Variants in QSOX1 observed in about 807,000 individuals in gnomAD.
The protein encoded by QSOX1 is sulfhydryl oxidase 1.
A neutral mutation model predicts 76.1 loss-of-function variants in QSOX1; 40 were observed. The ratio of observed to expected loss-of-function variants is 0.53; its 90% confidence interval spans 0.41 to 0.68. The LOEUF (loss-of-function observed/expected upper bound fraction) is 0.68. Among genes scored for constraint, QSOX1 ranks in the 30% least tolerant of loss-of-function variants. The pLI is 0.00. For synonymous variants in QSOX1, 392 were observed against 413.1 expected (o/e 0.95, Z 0.62); for missense variants, 931 against 974.3 (o/e 0.96, Z 0.59).
At chr1:180,165,317 T>G (rs189256995) in intron 1 of QSOX1, among the ~76,000 whole-genome samples, 28 of 152,342 alleles carry the variant, frequency 1.8e-4, no homozygotes, top group African/African-American at 6.5e-4. Context: ...GGCCTCCTCC[T>G]CCTCTCATCT....
Position 180,203,493 on chromosome 1 carries a change from T to C in QSOX1, c.*6456T>C, listed in dbSNP as rs1663676030. 6.6e-6 allele frequency: 1 copy of C among 152,204 alleles called. No individual in the cohort carries two copies. The highest frequency in any genetic ancestry group is 2.1e-4 in the South Asian group (1 of 4,826). The allele number at this position is 152,204 out of a possible 1,614,324, so 9.4% of individuals were successfully genotyped here. The stretch of plus-strand genomic sequence containing the variant: ...GAGTGTCTCAGTAGCCTCGCCCTAG[T>C]CCTGGCTTTCACTTAAATATGTTTT... On this transcript the variant is annotated 3_prime_UTR_variant, in exon 12 of 12. Coordinates refer to ENST00000367602, the MANE Select transcript of QSOX1 (RefSeq NM_002826.5).
At chr1:180,159,466 C>A (rs977581426) in intron 1 of QSOX1, among the ~76,000 whole-genome samples, 2 of 152,170 alleles carry the variant, frequency 1.3e-5, no homozygotes, top group South Asian at 2.1e-4. Flanking sequence ...ACACCACATT[C>A]AAAAATCTTA....
intron 4 of QSOX1, 117 bp from the exon 5 acceptor site, chr1:180,178,677 G>A (rs895849174): frequency 3.5e-6 from 3 of 857,488 alleles, no homozygotes; most frequent in Middle Eastern, 2.7e-4. Flanking sequence ...GTGTGGAAGC[G>A]GAGGAGGGCG....
In QSOX1 at chr1:180,155,182, G is replaced by A. The variant is rs769570961; in HGVS notation, c.265+10G>A. On this transcript the variant is annotated intron_variant, in intron 1 of 11. Transcript: ENST00000367602. ...GCCGAAGACGTCAAAGGTGAGAAGC[G>A]GGGGCGGCCCGCTCCCCCGTGCCCC... The A allele has an allele frequency of 2.7e-6, 4 of 1,483,992 alleles. No individual in the cohort carries two copies. The highest frequency in any genetic ancestry group is 2.3e-5 in the Admixed American group (1 of 44,366). 91.9% of individuals were successfully genotyped at this position (1,483,992 alleles called of 1,614,324 possible).
chr1:180,167,836 T>A (rs1662668112), intron 2 of QSOX1, among the ~76,000 whole-genome samples: 1 of 152,212 alleles, frequency 6.6e-6, no homozygotes, highest in African/African-American at 2.4e-5. Flanking sequence ...GACATGGTGC[T>A]ATCTTTGGCC....
intron 1 of QSOX1, among the ~76,000 whole-genome samples, chr1:180,161,399 G>C (rs561867436): frequency 4.3e-4 from 65 of 152,276 alleles, no homozygotes; most frequent in African/African-American, 1.4e-3. Context: ...GATTTCACCT[G>C]CAGTACCTAT....
chr1:180,169,596 T>C (rs1290550566), intron 2 of QSOX1, among the ~76,000 whole-genome samples: 1 of 152,220 alleles, frequency 6.6e-6, no homozygotes, highest in East Asian at 1.9e-4. Context: ...ACCATGCTAG[T>C]GTGATTTGGA....
intron 5 of QSOX1, among the ~76,000 whole-genome samples, chr1:180,180,705 C>T (rs1488991097): frequency 2.6e-5 from 4 of 152,008 alleles, no homozygotes; most frequent in Non-Finnish European, 4.4e-5. Context: ...TTAGTAGAGA[C>T]GGGGTTTCAC....
Position 180,176,036 on chromosome 1 carries a change from A to G in QSOX1, c.515+3A>G. The G allele has an allele frequency of 6.3e-7, 1 of 1,582,370 alleles. No individual in the cohort carries two copies. ...TGTCCCCCACTGGAGCCTGCCAAGT[A>G]CTTTGGGCTGGGGCAGGCTTAGTGC... On this transcript the variant is annotated splice_donor_region_variant and intron_variant, in intron 4 of 11. Coordinates refer to ENST00000367602, the MANE Select transcript of QSOX1 (RefSeq NM_002826.5).
chr1:180,181,159 C>T (rs1283955297), intron 5 of QSOX1, among the ~76,000 whole-genome samples: 2 of 152,088 alleles, frequency 1.3e-5, no homozygotes, highest in African/African-American at 4.8e-5. Flanking sequence ...AGTGCTTTCT[C>T]TTTATTTCTT....
Position 180,202,019 on chromosome 1 carries a change from G to C in QSOX1, c.*4982G>C, listed in dbSNP as rs1663645860. On this transcript the variant is annotated 3_prime_UTR_variant, in exon 12 of 12. Transcript: ENST00000367602. Reference sequence around the variant, plus strand: ...TGAGTCTCTCTGGCCACCCTCACTGGCCCCATCACTCCAGGTTGCACTGCT... The same window carrying C: ...TGAGTCTCTCTGGCCACCCTCACTGCCCCCATCACTCCAGGTTGCACTGCT... 1 of 152,316 alleles carries C rather than the reference G, an allele frequency of 6.6e-6. No individual in the cohort carries two copies. The allele number at this position is 152,316 out of a possible 1,614,324, so 9.4% of individuals were successfully genotyped here.
chr1:180,195,201 C>T (rs1663439777), intron 11 of QSOX1, among the ~76,000 whole-genome samples: 1 of 152,146 alleles, frequency 6.6e-6, no homozygotes, highest in African/African-American at 2.4e-5. Context: ...TCGGCAGGCT[C>T]CCAGCTGCTG....
Position 180,196,149 on chromosome 1 carries a change from G to A in QSOX1, c.1469-113G>A. ...TAATTACCCATCCTCTGGAAGGGCA[G>A]TGGCGAGCCCTTTCTGCAGACAAGG... On this transcript the variant is annotated intron_variant, in intron 11 of 11. Transcript: ENST00000367602. The surrounding 1 kb of genome is among the most constrained non-coding windows in gnomAD (Gnocchi z 4.1). The A allele has an allele frequency of 7.5e-7, 1 of 1,334,702 alleles. No homozygotes were observed. The highest frequency in any genetic ancestry group is 1.0e-6 in the Non-Finnish European group (1 of 976,086). The allele number at this position is 1,334,702 out of a possible 1,614,324, so 82.7% of individuals were successfully genotyped here.
Position 180,197,392 on chromosome 1 carries a change from C to G in QSOX1, c.*355C>G. The G allele has an allele frequency of 6.2e-7, 1 of 1,613,070 alleles. No individual in the cohort carries two copies. The highest frequency in any genetic ancestry group is 1.1e-5 in the South Asian group (1 of 91,050). ...CTCAGTCTCTCCTGCTTGGTCTTGG[C>G]CCTCAACTGGGGCAAGTGAAGCCAG... On this transcript the variant is annotated 3_prime_UTR_variant, in exon 12 of 12. Coordinates refer to ENST00000367602, the MANE Select transcript of QSOX1 (RefSeq NM_002826.5).
chr1:180,175,662 G>C (rs1442176670), intron 3 of QSOX1, among the ~76,000 whole-genome samples: 1 of 152,192 alleles, frequency 6.6e-6, no homozygotes, highest in Non-Finnish European at 1.5e-5. Context: ...CCAGAGAGCA[G>C]ACCAGAGCCC....
At chr1:180,190,266 TCTG>T (rs1663275964) in intron 9 of QSOX1, among the ~76,000 whole-genome samples, 164 bp from the exon 10 acceptor site, 1 of 152,148 alleles carries the variant, frequency 6.6e-6, no homozygotes, top group Admixed American at 6.5e-5. Context: ...GCTTTTTAGG[TCTG>T]CTGCTGCTTC....
chr1:180,196,530 C>T lies in QSOX1; in HGVS notation c.1737C>T (p.Asp579=), dbSNP rs755684560. 2 of 1,614,152 alleles carry T rather than the reference C, an allele frequency of 1.2e-6. No individual in the cohort carries two copies. Among genetic ancestry groups the T allele is most frequent in the African/African-American group, 1.3e-5 (1 of 75,046 alleles). The change falls in exon 12 of 12, where the codon GAC becomes GAT. Residue 579 remains aspartate, a synonymous_variant. Transcript: ENST00000367602. This position sits in a 1 kb window ranked among gnomAD's most constrained non-coding sequence, Gnocchi z 4.1. ...LELESRNSTL[D]PGKPEMMKSP... ...TGGAAAGCCGGAATTCAACTCTGGA[C>T]CCTGGGAAGCCTGAGATGATGAAGT...
chr1:180,168,092 C>T (rs368991893), intron 2 of QSOX1, among the ~76,000 whole-genome samples: 3 of 152,374 alleles, frequency 2.0e-5, no homozygotes, highest in African/African-American at 7.2e-5. Flanking sequence ...TCTGTAGGGC[C>T]TGACACCTGA....
At position 180,178,733 on chromosome 1, in the gene QSOX1, C is replaced by A. The variant is rs575667078; in HGVS notation, c.516-61C>A. On this transcript the variant is annotated intron_variant, in intron 4 of 11. Transcript: ENST00000367602. ...CTGCATCACCAGCGTCTGGCGTTGCCAGCGGTTTTGTCTTATTTCTGCTGG... is the reference window on the plus strand; with the variant it reads ...CTGCATCACCAGCGTCTGGCGTTGCAAGCGGTTTTGTCTTATTTCTGCTGG... 2.0e-6 allele frequency: 3 copies of A among 1,483,672 alleles called. No individual in the cohort carries two copies. In the Admixed American group the frequency reaches 5.0e-5, roughly 25 times the overall value. The allele number at this position is 1,483,672 out of a possible 1,614,324, so 91.9% of individuals were successfully genotyped here. A position where few individuals can be genotyped will look rare whatever the true frequency, so the allele number is the denominator to read the frequency against.
Sources: allele counts gnomAD v4.1 joint callset (sites outside exome capture counted in the v4.1 genomes callset), GRCh38; gene constraint gnomAD v4.1.1; non-coding constraint Gnocchi (gnomAD v3.1); transcripts MANE v1.5; gene names NCBI Gene and HGNC (gene_info 2026-07-23, HGNC 2026-07-21).